CAGE1: variants seen among roughly 807,000 people sequenced by gnomAD.
The protein encoded by CAGE1 is cancer antigen 1.
In CAGE1, 66 loss-of-function variants were observed where a neutral mutation model predicts 94.9. The observed-to-expected ratio is 0.70, with a 90% CI of 0.57 to 0.85. The LOEUF (loss-of-function observed/expected upper bound fraction) is 0.85. Among genes scored for constraint, CAGE1 ranks in the 40% least tolerant of loss-of-function variants. CAGE1 has a pLI of 0.00. For missense variants in CAGE1, 865 were observed against 950.4 expected, an observed-to-expected ratio of 0.91 and a Z score of 1.18; for synonymous variants, 319 against 321.0, an observed-to-expected ratio of 0.99 and a Z score of 0.07.
intron 9 of CAGE1, among the ~76,000 whole-genome samples, chr6:7,364,898 TA>T (rs373739489): frequency 1.6e-4 from 24 of 152,340 alleles, no homozygotes; most frequent in South Asian, 4.1e-4. Flanking sequence ...TTTAATCATT[TA>T]AAAAATATGA....
intron 11 of CAGE1, among the ~76,000 whole-genome samples, chr6:7,344,061 C>T (rs957917903): frequency 1.3e-5 from 2 of 152,240 alleles, no homozygotes; most frequent in Non-Finnish European, 2.9e-5. Context: ...TGCTGGCAAT[C>T]CTCACAGCCC....
At chr6:7,380,164 T>C (rs1760883408) in intron 3 of CAGE1, among the ~76,000 whole-genome samples, 2 of 152,112 alleles carry the variant, frequency 1.3e-5, no homozygotes, top group African/African-American at 2.4e-5. Context: ...GGAAGGACTA[T>C]AGTATGGGTT....
chr6:7,333,550 A>G (rs1758825614), intron 12 of CAGE1, among the ~76,000 whole-genome samples: 1 of 151,692 alleles, frequency 6.6e-6, no homozygotes, highest in Admixed American at 6.6e-5. Flanking sequence ...CAAAACATGA[A>G]GCACTTTCAT....
In CAGE1 at chr6:7,362,614, C is replaced by G. The variant is rs148069907; in HGVS notation, c.2193+2854G>C. On this transcript the variant is annotated intron_variant, in intron 9 of 13. Transcript: ENST00000502583. The surrounding 1 kb of genome is among the most constrained non-coding windows in gnomAD (Gnocchi z 4.1). ...GGGTCAGAAGGACATGAGAGAAGCA[C>G]GCGACGATGTGCCAAGGGAAGCATG... is the stretch of plus-strand genomic sequence containing the variant. Among the ~76,000 whole-genome samples, 1 of 152,144 alleles carries G rather than the reference C, an allele frequency of 6.6e-6. No individual in the cohort carries two copies. The highest frequency in any genetic ancestry group is 6.5e-5 in the Admixed American group (1 of 15,274).
intron 3 of CAGE1, among the ~76,000 whole-genome samples, chr6:7,380,497 C>T (rs1231850221): frequency 1.3e-5 from 2 of 151,832 alleles, no homozygotes; most frequent in African/African-American, 2.4e-5. Context: ...CTTAGTGGGG[C>T]GTGGTGGTGC....
chr6:7,345,221 G>A (rs551807945), intron 11 of CAGE1, among the ~76,000 whole-genome samples: 8 of 148,860 alleles, frequency 5.4e-5, no homozygotes, highest in Non-Finnish European at 7.4e-5. Flanking sequence ...GTTAGTATAA[G>A]CTACCAGCCT....
intron 11 of CAGE1, among the ~76,000 whole-genome samples, chr6:7,334,662 A>G (rs1758886740): frequency 7.3e-6 from 1 of 136,916 alleles, no homozygotes; most frequent in Non-Finnish European, 1.5e-5. Context: ...GAGGAGGTGG[A>G]GGTTGCAGTG....
intron 13 of CAGE1, among the ~76,000 whole-genome samples, chr6:7,328,833 C>T (rs1422937449): frequency 1.3e-5 from 2 of 150,632 alleles, no homozygotes; most frequent in African/African-American, 4.9e-5. Context: ...AATCATCACA[C>T]ATTGTGCACA....
intron 12 of CAGE1, among the ~76,000 whole-genome samples, chr6:7,333,603 T>G (rs1237400521): frequency 2.9e-5 from 1 of 34,726 alleles, no homozygotes; most frequent in Non-Finnish European, 4.6e-5. Context: ...GGAAAAGAGT[T>G]TTTTTTTTTA....
chr6:7,329,496 G>C (rs1035479424), intron 13 of CAGE1, among the ~76,000 whole-genome samples: 2 of 152,018 alleles, frequency 1.3e-5, no homozygotes, highest in Non-Finnish European at 2.9e-5. Flanking sequence ...AAAATATTTT[G>C]CTTTTGAAAG....
In CAGE1 at chr6:7,374,105, CTGTA is replaced by C; in HGVS notation, c.710_713del (p.Ile237ArgfsTer68). 6.2e-7 allele frequency: 1 copy of C among 1,612,786 alleles called. No homozygotes were observed. Among genetic ancestry groups the C allele is most frequent in the South Asian group, 1.1e-5 (1 of 91,010 alleles). The stretch of plus-strand genomic sequence containing the variant: ...ACATCTCAGGAATCTCCCCATAATT[CTGTA>C]TTTCTTTTGAAGGAACTGCAGTCTG... On this transcript the variant is annotated frameshift_variant, in exon 5 of 14. Coordinates refer to ENST00000502583, the MANE Select transcript of CAGE1 (RefSeq NM_001170692.2). LOFTEE classifies it high-confidence loss of function.
At chr6:7,341,326 T>A (rs1759166168) in intron 11 of CAGE1, 1 of 688,852 alleles carries the variant, frequency 1.5e-6, no homozygotes. Flanking sequence ...CCAAAATCCT[T>A]ACTGGTGTCC....
At position 7,389,379 on chromosome 6, in the gene CAGE1, T is replaced by A; in HGVS notation, c.-201A>T. On this transcript the variant is annotated 5_prime_UTR_variant, in exon 1 of 14. Coordinates refer to ENST00000502583, the MANE Select transcript of CAGE1 (RefSeq NM_001170692.2). ...GGAGGGAGAACGCTTTCCAACCTCC[T>A]CCACCAAGGACTCTCACAAACTCGC... is the stretch of plus-strand genomic sequence containing the variant. The A allele has an allele frequency of 2.2e-6, 1 of 455,248 alleles. No homozygotes were observed. Among genetic ancestry groups the A allele is most frequent in the East Asian group, 7.0e-5 (1 of 14,362 alleles). The allele number at this position is 455,248 out of a possible 1,614,324, so 28.2% of individuals were successfully genotyped here.
At chr6:7,329,196 G>T in intron 13 of CAGE1, 1 of 403,806 alleles carries the variant, frequency 2.5e-6, no homozygotes, top group Non-Finnish European at 4.4e-6. Flanking sequence ...GCCTCCCAAA[G>T]TGCTGGGATT....
rs1761272060 is a variant in CAGE1 at position 7,389,715 on chromosome 6, C to T, written c.-537G>A. The T allele has an allele frequency of 9.2e-6, 5 of 544,856 alleles. No homozygotes were observed. Among genetic ancestry groups the T allele is most frequent in the East Asian group, 6.3e-5 (2 of 31,568 alleles). The allele number at this position is 544,856 out of a possible 1,614,324, so 33.8% of individuals were successfully genotyped here. A position where few individuals can be genotyped will look rare whatever the true frequency, so the allele number is the denominator to read the frequency against. Reference sequence around the variant, plus strand: ...CTGAGAGCACAGAACATCCACAGCCCTATACAGCGCGCCATCCAGAGAGCT... The same window carrying T: ...CTGAGAGCACAGAACATCCACAGCCTTATACAGCGCGCCATCCAGAGAGCT... On this transcript the variant is annotated 5_prime_UTR_variant, in exon 1 of 14. Coordinates refer to ENST00000502583, the MANE Select transcript of CAGE1 (RefSeq NM_001170692.2).
chr6:7,363,538 A>T (rs1352239209), intron 9 of CAGE1, among the ~76,000 whole-genome samples: 1 of 152,116 alleles, frequency 6.6e-6, no homozygotes, highest in Non-Finnish European at 1.5e-5. Context: ...CCAATTATTT[A>T]TTTATTAGAG....
intron 9 of CAGE1, among the ~76,000 whole-genome samples, chr6:7,359,560 C>T (rs1445068315): frequency 6.6e-6 from 1 of 152,150 alleles, no homozygotes; most frequent in East Asian, 1.9e-4. Context: ...TTCACAGCAA[C>T]AGACATTTGA....
At chr6:7,358,027 G>GATATATATATATGTATATATATATAT (rs1554138207) in intron 9 of CAGE1, among the ~76,000 whole-genome samples, 8 of 48,076 alleles carry the variant, frequency 1.7e-4, no homozygotes, top group Non-Finnish European at 3.0e-4. Context: ...TAAGTTTTGA[G>GATATATATATATGTATATATATATAT]ATATATATAT....
At chr6:7,338,743 A>C in intron 11 of CAGE1, 1 of 676,616 alleles carries the variant, frequency 1.5e-6, no homozygotes. Context: ...AGTCCACTGT[A>C]TCATTCTTTT....
Sources: gnomAD v4.1 joint callset for allele counts (sites outside exome capture counted in the v4.1 genomes callset) on GRCh38, gnomAD v4.1.1 for gene constraint, Gnocchi (gnomAD v3.1) non-coding constraint, MANE v1.5 for transcripts, NCBI Gene and HGNC (gene_info 2026-07-23, HGNC 2026-07-21) for gene names.